DNER: variants seen among roughly 807,000 people sequenced by gnomAD.
DNER encodes the protein delta and Notch-like epidermal growth factor-related receptor.
DNER carries 33 observed loss-of-function variants against 78.2 expected under a neutral mutation model. The ratio of observed to expected loss-of-function variants is 0.42; its 90% CI spans 0.32 to 0.56. DNER has a LOEUF of 0.56. Ranked by LOEUF, DNER falls within the 20% of genes least tolerant of loss-of-function variation. The pLI is 0.11. For missense variants in DNER, 918 were observed against 975.3 expected (o/e 0.94, Z 0.78); for synonymous variants, 417 against 384.8 (o/e 1.08, Z -0.98).
At chr2:229,576,572 CT>C (rs1161251096) in intron 4 of DNER, among the ~76,000 whole-genome samples, 1 of 152,082 alleles carries the variant, frequency 6.6e-6, no homozygotes, top group Non-Finnish European at 1.5e-5. Flanking sequence ...TTGCAAGGAG[CT>C]ATGGCATGGT....
chr2:229,664,395 C>A (rs949004102), intron 1 of DNER, among the ~76,000 whole-genome samples: 1 of 152,128 alleles, frequency 6.6e-6, no homozygotes. Context: ...GTAATCCCAG[C>A]ACTGCGGGAG....
chr2:229,501,448 T>A (rs1695622204), intron 6 of DNER, among the ~76,000 whole-genome samples: 1 of 151,918 alleles, frequency 6.6e-6, no homozygotes, highest in South Asian at 2.1e-4. Context: ...AAAAATTTTG[T>A]ACTGATACTT....
chr2:229,468,004 G>C (rs1432990506), intron 7 of DNER, among the ~76,000 whole-genome samples: 1 of 152,192 alleles, frequency 6.6e-6, no homozygotes, highest in Non-Finnish European at 1.5e-5. Flanking sequence ...AGTGGCACAG[G>C]GGGATAAGAC....
chr2:229,530,868 T>C (rs781216754), intron 5 of DNER, among the ~76,000 whole-genome samples: 2 of 152,162 alleles, frequency 1.3e-5, no homozygotes, highest in Non-Finnish European at 2.9e-5. Flanking sequence ...CAGTAACAGA[T>C]ATGTGGGTGT....
At chr2:229,626,339 C>T (rs566031145) in intron 1 of DNER, among the ~76,000 whole-genome samples, 3 of 152,250 alleles carry the variant, frequency 2.0e-5, no homozygotes, top group African/African-American at 2.4e-5. Flanking sequence ...CATGCAACTC[C>T]GAACAACTCA....
chr2:229,365,934 C>T (rs1232774344), intron 12 of DNER, among the ~76,000 whole-genome samples: 1 of 152,124 alleles, frequency 6.6e-6, no homozygotes, highest in Admixed American at 6.5e-5. Context: ...AACAATATTG[C>T]TATTTTTGGA....
At chr2:229,369,530 T>C (rs1016235822) in intron 11 of DNER, among the ~76,000 whole-genome samples, 1 of 151,678 alleles carries the variant, frequency 6.6e-6, no homozygotes, top group African/African-American at 2.4e-5. Flanking sequence ...AGTCCACTCC[T>C]GGACATGTGG....
At chr2:229,470,130 ATGT>A (rs1184136304) in intron 7 of DNER, among the ~76,000 whole-genome samples, 2 of 152,218 alleles carry the variant, frequency 1.3e-5, no homozygotes, top group Admixed American at 6.5e-5. Context: ...TAAAACTAAA[ATGT>A]TGTAAGAATG....
chr2:229,551,147 A>C (rs1696727859), intron 4 of DNER, among the ~76,000 whole-genome samples: 1 of 152,144 alleles, frequency 6.6e-6, no homozygotes, highest in Non-Finnish European at 1.5e-5. Flanking sequence ...CATTTTTCAT[A>C]CTTCTTTTAA....
chr2:229,656,599 G>A (rs567897825), intron 1 of DNER, among the ~76,000 whole-genome samples: 2 of 152,098 alleles, frequency 1.3e-5, no homozygotes, highest in Admixed American at 6.5e-5. Flanking sequence ...TGTTATTCTC[G>A]GTACATTTCT....
At chr2:229,410,293 T>A (rs1330030939) in intron 9 of DNER, among the ~76,000 whole-genome samples, 1 of 152,206 alleles carries the variant, frequency 6.6e-6, no homozygotes, top group Admixed American at 6.5e-5. Context: ...ATAACTTATC[T>A]GCTCTCCTGT....
chr2:229,393,389 G>A, intron 10 of DNER, among the ~76,000 whole-genome samples: 1 of 151,888 alleles, frequency 6.6e-6, no homozygotes, highest in South Asian at 2.1e-4. Flanking sequence ...TCACGCCACT[G>A]TACTCCAGCC....
intron 1 of DNER, among the ~76,000 whole-genome samples, chr2:229,663,758 T>A (rs1170415531): frequency 6.6e-6 from 1 of 152,216 alleles, no homozygotes; most frequent in Non-Finnish European, 1.5e-5. Flanking sequence ...AAGAGGGTAC[T>A]GTCACACCAG....
At chr2:229,638,376 A>G (rs1303280865) in intron 1 of DNER, among the ~76,000 whole-genome samples, 2 of 152,236 alleles carry the variant, frequency 1.3e-5, no homozygotes, top group Non-Finnish European at 2.9e-5. Context: ...AAAGGCAGAC[A>G]AAATAGATCA....
chr2:229,502,896 T>C (rs1227004772), intron 6 of DNER, among the ~76,000 whole-genome samples: 1 of 152,184 alleles, frequency 6.6e-6, no homozygotes. Flanking sequence ...GTGTCCCCCT[T>C]AGATATTTTT....
intron 7 of DNER, among the ~76,000 whole-genome samples, chr2:229,451,996 C>CAAT (rs1330906095): frequency 2.0e-5 from 3 of 151,910 alleles, no homozygotes; most frequent in African/African-American, 7.3e-5. Context: ...TGGAGAGAGC[C>CAAT]AATATTTCAA....
chr2:229,412,344 T>C lies in DNER; in HGVS notation c.1610-4999A>G, dbSNP rs1426701212. Among the ~76,000 whole-genome samples, 3 of 152,242 alleles carry C rather than the reference T, an allele frequency of 2.0e-5. No homozygotes were observed. In the East Asian group the frequency reaches 5.8e-4, roughly 29 times the overall value. ...AAGTTGGTTTCCTTTACTTAATTCA[T>C]GTGTTAAACAGTAGTTCTAACTCAA... is the stretch of plus-strand genomic sequence containing the variant. On this transcript the variant is annotated intron_variant, in intron 9 of 12. Transcript: ENST00000341772.
intron 1 of DNER, among the ~76,000 whole-genome samples, chr2:229,707,551 G>T (rs1331895859): frequency 1.3e-5 from 2 of 152,064 alleles, no homozygotes; most frequent in African/African-American, 4.8e-5. Context: ...TGCCCTCCTG[G>T]TGCCCACAGC....
chr2:229,416,389 G>A (rs1693652772), intron 9 of DNER, among the ~76,000 whole-genome samples: 1 of 152,190 alleles, frequency 6.6e-6, no homozygotes, highest in South Asian at 2.1e-4. Context: ...AGGCTAGTGG[G>A]TGGAAATCTT....
Sources: gnomAD v4.1 joint callset for allele counts (sites outside exome capture counted in the v4.1 genomes callset) on GRCh38, gnomAD v4.1.1 for gene constraint, MANE v1.5 for transcripts, NCBI Gene and HGNC (gene_info 2026-07-23, HGNC 2026-07-21) for gene names.